PVR: variants seen among roughly 807,000 people sequenced by gnomAD.
PVR encodes poliovirus receptor.
Under a neutral mutation model 43.3 loss-of-function variants are expected in PVR, and 39 were observed. The observed-to-expected ratio is 0.90, with a 90% CI of 0.70 to 1.18. PVR has a LOEUF of 1.18. Ranked by LOEUF, PVR falls within the 50% of genes most tolerant of loss-of-function variation. The probability of loss-of-function intolerance (pLI) is 0.00; values close to 1 mark genes in which losing one functional copy is unlikely to be tolerated. For synonymous variants in PVR, 224 were observed against 233.2 expected, an observed-to-expected ratio of 0.96 and a Z score of 0.36; for missense variants, 480 against 549.7, an observed-to-expected ratio of 0.87 and a Z score of 1.27.
At chr19:44,657,687 A>G in intron 4 of PVR, 75 bp from the exon 5 acceptor site, 3 of 1,503,642 alleles carry the variant, frequency 2.0e-6, no homozygotes, top group Non-Finnish European at 2.8e-6. Context: ...GTTTCTGGGC[A>G]CGTAGTGCGT....
rs149458939 is a variant in PVR at position 44,658,856 on chromosome 19, A to C, written c.1106A>C (p.Lys369Thr). 8 of 1,613,910 alleles carry C rather than the reference A, an allele frequency of 5.0e-6. No individual in the cohort carries two copies. The highest frequency in any genetic ancestry group is 1.7e-5 in the Admixed American group (1 of 59,990). ...ATCGGGATTTATTTCTATTGGTCCA[A>C]ATGTTCCCGTGAGGTCCTTTGGCAC... ...LGIGIYFYWS[K>T]CSREVLWHCH... Residue 369 changes from lysine (K) to threonine (T), a missense_variant, in exon 6 of 8, where the codon AAA becomes ACA. Lys to Thr is a moderately conservative substitution (Grantham distance 78). Transcript: ENST00000425690.
chr19:44,658,953 G>C (rs1157447463), intron 6 of PVR, 53 bp downstream of exon 6: 2 of 1,554,592 alleles, frequency 1.3e-6, no homozygotes, highest in Non-Finnish European at 1.8e-6. Context: ...GCTCTGTGCT[G>C]AGTCCTTCCA....
chr19:44,653,020 A>G (rs1189546656), intron 3 of PVR, among the ~76,000 whole-genome samples: 1 of 152,100 alleles, frequency 6.6e-6, no homozygotes, highest in Non-Finnish European at 1.5e-5. Context: ...CATATTGGAC[A>G]GCACAGATCT....
At chr19:44,659,443 AC>A (rs1482833990) in intron 6 of PVR, among the ~76,000 whole-genome samples, 3 of 151,798 alleles carry the variant, frequency 2.0e-5, no homozygotes, top group Non-Finnish European at 4.4e-5. Flanking sequence ...TGTATGTATA[AC>A]CCCCTCGATT....
intron 6 of PVR, among the ~76,000 whole-genome samples, chr19:44,660,341 C>A (rs1266912051): frequency 6.6e-6 from 1 of 152,186 alleles, no homozygotes; most frequent in Non-Finnish European, 1.5e-5. Flanking sequence ...CTGTATGACT[C>A]AGTTTCCTCA....
At chr19:44,659,822 G>T (rs1248009535) in intron 6 of PVR, among the ~76,000 whole-genome samples, 1 of 152,194 alleles carries the variant, frequency 6.6e-6, no homozygotes, top group African/African-American at 2.4e-5. Context: ...CCAGCAAAGT[G>T]GTTCTCCCGT....
intron 4 of PVR, among the ~76,000 whole-genome samples, chr19:44,654,942 G>A (rs1302740698): frequency 6.6e-6 from 1 of 152,046 alleles, no homozygotes; most frequent in Admixed American, 6.6e-5. Context: ...TATCCCCATT[G>A]TCTAGATGAG....
At chr19:44,653,387 G>A (rs1181179365) in intron 3 of PVR, among the ~76,000 whole-genome samples, 1 of 86,436 alleles carries the variant, frequency 1.2e-5, no homozygotes, top group African/African-American at 4.6e-5. Context: ...GTCTGAGCGA[G>A]GAGGAGATCT....
intron 3 of PVR, among the ~76,000 whole-genome samples, chr19:44,650,757 T>G (rs909547249): frequency 6.6e-6 from 1 of 151,996 alleles, no homozygotes; most frequent in African/African-American, 2.4e-5. Flanking sequence ...GAGACAGGGT[T>G]TCATCATGTT....
In PVR at chr19:44,664,216, A is replaced by AT. The variant is rs1304636101; in HGVS notation, c.*2408dup. The AT allele has an allele frequency of 3.3e-5, 5 of 152,112 alleles. No individual in the cohort carries two copies. Among genetic ancestry groups the AT allele is most frequent in the Non-Finnish European group, 4.4e-5 (3 of 67,994 alleles). The allele number at this position is 152,112 out of a possible 1,614,324, so 9.4% of individuals were successfully genotyped here. A position where few individuals can be genotyped will look rare whatever the true frequency, so the allele number is the denominator to read the frequency against. On this transcript the variant is annotated 3_prime_UTR_variant, in exon 8 of 8. Coordinates refer to ENST00000425690, the MANE Select transcript of PVR (RefSeq NM_006505.5). ...TATTTATTTATTTGTTTATTTATTTATTTATTTTAGAAATAAGAGTCTCAC... is the reference window on the plus strand; with the variant it reads ...TATTTATTTATTTGTTTATTTATTTATTTTATTTTAGAAATAAGAGTCTCAC...
chr19:44,662,582 G>C lies in PVR; in HGVS notation c.*771G>C, dbSNP rs1973616939. 6.6e-6 allele frequency: 1 copy of C among 152,132 alleles called. No homozygotes were observed. Among genetic ancestry groups the C allele is most frequent in the Non-Finnish European group, 1.5e-5 (1 of 68,134 alleles). The allele number at this position is 152,132 out of a possible 1,614,324, so 9.4% of individuals were successfully genotyped here. ...TCATACATCAAGCCAATACCGTGTG[G>C]CCCAAGACCCCCACCATAAATCACA... On this transcript the variant is annotated 3_prime_UTR_variant, in exon 8 of 8. Coordinates refer to ENST00000425690, the MANE Select transcript of PVR (RefSeq NM_006505.5).
In PVR at chr19:44,657,671, G is replaced by A. The variant is rs1376630659; in HGVS notation, c.843-91G>A. 4 of 1,367,158 alleles carry A rather than the reference G, an allele frequency of 2.9e-6. 1 individual carries two copies. The South Asian group carries it at 3.7e-5, about 12-fold the overall frequency. 84.7% of individuals were successfully genotyped at this position (1,367,158 alleles called of 1,614,324 possible). A position where few individuals can be genotyped will look rare whatever the true frequency, so the allele number is the denominator to read the frequency against. ...GCTCTCCGCTTATGCTATAGAGGGC[G>A]TGAGGGTTTCTGGGCACGTAGTGCG... On this transcript the variant is annotated intron_variant, in intron 4 of 7. Transcript: ENST00000425690.
rs769127402 is a variant in PVR, at chr19:44,647,503, C to T, written c.360C>T (p.Asn120=). 3 of 1,613,990 alleles carry T rather than the reference C, an allele frequency of 1.9e-6. No homozygotes were observed. Among genetic ancestry groups the T allele is most frequent in the East Asian group, 2.2e-5 (1 of 44,882 alleles). Residue 120 remains asparagine (N), a synonymous_variant, in exon 2 of 8, where the codon AAC becomes AAT. Transcript: ENST00000425690. ...MFGLRVEDEG[N]YTCLFVTFPQ... ...GGTTGCGCGTAGAGGATGAAGGCAA[C>T]TACACCTGCCTGTTCGTCACGTTCC...
In PVR at chr19:44,661,302, T is replaced by C; in HGVS notation, c.1161T>C (p.His387=). The C allele has an allele frequency of 6.2e-7, 1 of 1,614,014 alleles. No individual in the cohort carries two copies. ...HCHLCPSSTE[H]ASASANGHVS... ...CTCCTATTTCCCCAGGTACAGAGCA[T>C]GCCAGCGCCTCAGCTAATGGGGTAA... is the stretch of plus-strand genomic sequence containing the variant. Residue 387 remains histidine (H), a synonymous_variant, in exon 7 of 8, where the codon CAT becomes CAC. Coordinates refer to ENST00000425690, the MANE Select transcript of PVR (RefSeq NM_006505.5).
rs755105423 is a variant in PVR at position 44,647,320 on chromosome 19, G to A, written c.177G>A (p.Thr59=). The change falls in exon 2 of 8, where the codon ACG becomes ACA. Residue 59 remains threonine, a synonymous_variant. Transcript: ENST00000425690. ...TACAGGTGCCCAACATGGAGGTGAC[G>A]CATGTGTCACAGCTGACTTGGGCGC... The part of the protein sequence containing the change: ...CYLQVPNMEV[T]HVSQLTWARH... 23 of 1,610,218 alleles carry A rather than the reference G, an allele frequency of 1.4e-5. 1 individual carries two copies. The South Asian group carries it at 2.3e-4, about 16-fold the overall frequency.
intron 1 of PVR, among the ~76,000 whole-genome samples, chr19:44,645,415 G>GTATGTATATATA (rs1973084600): frequency 1.2e-5 from 1 of 83,822 alleles, no homozygotes; most frequent in African/African-American, 5.7e-5. Context: ...TATGTTTTGT[G>GTATGTATATATA]TATATATATA....
In PVR at chr19:44,650,013, C is replaced by T; in HGVS notation, c.632C>T (p.Ser211Leu). The change falls in exon 3 of 8, where the codon TCA becomes TTA. Residue 211 changes from serine to leucine, a missense_variant. Ser to Leu is a moderately radical substitution (Grantham distance 145). Transcript: ENST00000425690. Reference sequence around the variant, plus strand: ...ACCAGCCTCTGGATATTGGTGCCCTCAAGCCAGGTGGACGGCAAGAATGTG... The same window carrying T: ...ACCAGCCTCTGGATATTGGTGCCCTTAAGCCAGGTGGACGGCAAGAATGTG... Reference protein sequence around the residue: ...TVTSLWILVPSSQVDGKNVTC... With the variant: ...TVTSLWILVPLSQVDGKNVTC... 1 of 1,603,190 alleles carries T rather than the reference C, an allele frequency of 6.2e-7. No individual in the cohort carries two copies. The highest frequency in any genetic ancestry group is 8.5e-7 in the Non-Finnish European group (1 of 1,173,864).
At chr19:44,661,354 T>A in intron 7 of PVR, 31 bp downstream of exon 7, 1 of 1,611,324 alleles carries the variant, frequency 6.2e-7, no homozygotes, top group South Asian at 1.1e-5. Flanking sequence ...AAGGAGGGTG[T>A]GGGGTCTGCA....
At position 44,657,773 on chromosome 19, in the gene PVR, C is replaced by T; in HGVS notation, c.854C>T (p.Pro285Leu). Residue 285 changes from proline to leucine, a missense_variant, in exon 5 of 8, where the codon CCC becomes CTC. By Grantham distance (98) the Pro-to-Leu change is moderately conservative (BLOSUM62 -3). Coordinates refer to ENST00000425690, the MANE Select transcript of PVR (RefSeq NM_006505.5). ...TCTGTCTCTCCCAGGACCATGGGTCCCCTGCCACCCTTTGCTGTGGCCCAG... is the reference window on the plus strand; with the variant it reads ...TCTGTCTCTCCCAGGACCATGGGTCTCCTGCCACCCTTTGCTGTGGCCCAG... ...TGYNWSTTMG[P>L]LPPFAVAQGA... is the part of the protein sequence containing the mutation. 4.3e-6 allele frequency: 7 copies of T among 1,614,104 alleles called. No individual in the cohort carries two copies. Among genetic ancestry groups the T allele is most frequent in the South Asian group, 2.2e-5 (2 of 91,084 alleles).
Sources: allele counts gnomAD v4.1 joint callset (sites outside exome capture counted in the v4.1 genomes callset), GRCh38; gene constraint gnomAD v4.1.1; transcripts MANE v1.5; gene names NCBI Gene and HGNC (gene_info 2026-07-23, HGNC 2026-07-21).